Variants in HGS observed in about 807,000 individuals in gnomAD.
HGS encodes human growth factor-regulated tyrosine kinase substrate.
In HGS, 63 loss-of-function variants were observed where a neutral mutation model predicts 109.7. The observed-to-expected ratio is 0.57, with a 90% CI of 0.47 to 0.71. The LOEUF (loss-of-function observed/expected upper bound fraction) is 0.71. HGS is among the 30% of genes least tolerant of loss of function. HGS has a pLI of 0.00. For synonymous variants in HGS, 546 were observed against 437.3 expected, an observed-to-expected ratio of 1.25 and a Z score of -3.10; for missense variants, 995 against 1,068.3, an observed-to-expected ratio of 0.93 and a Z score of 0.96.
intron 4 of HGS, 120 bp from the exon 5 acceptor site, chr17:81,688,584 C>T (rs2037017774): frequency 7.6e-7 from 1 of 1,310,336 alleles, no homozygotes; most frequent in Non-Finnish European, 1.1e-6. Context: ...GGGGGCCCTC[C>T]CTGGCCTCTG....
intron 4 of HGS, among the ~76,000 whole-genome samples, chr17:81,688,273 G>A (rs1428489879): frequency 1.3e-5 from 2 of 151,510 alleles, no homozygotes; most frequent in South Asian, 2.1e-4. Context: ...TTTCTGGAGC[G>A]GCTGCCCCCC....
At position 81,696,921 on chromosome 17, in the gene HGS, C is replaced by T. The variant is rs1182688834; in HGVS notation, c.1805C>T (p.Ser602Phe). ...AGCCCTGCCGGCTCGGTGGAGGGCT[C>T]CCCAATGCACGGCGTGTACATGAGC... ...TFSPAGSVEG[S>F]PMHGVYMSQP... is the part of the protein sequence containing the mutation. The change falls in exon 18 of 22, where the codon TCC becomes TTC. Residue 602 changes from serine to phenylalanine, a missense_variant. Physicochemically the swap from Ser to Phe is radical, Grantham distance 155 (BLOSUM62 -2). This residue lies in a region of HGS where 326 missense variants were observed against 309.7 expected (regional missense o/e 1.05). Transcript: ENST00000329138. 1.2e-6 allele frequency: 2 copies of T among 1,607,944 alleles called. No individual in the cohort carries two copies. The highest frequency in any genetic ancestry group is 8.5e-7 in the Non-Finnish European group (1 of 1,179,816).
At chr17:81,699,083 T>A (rs951670000) in intron 18 of HGS, among the ~76,000 whole-genome samples, 20 of 149,814 alleles carry the variant, frequency 1.3e-4, no homozygotes, top group African/African-American at 4.9e-4. Context: ...AAAAAAAAAA[T>A]CCATGAGTTA....
intron 5 of HGS, among the ~76,000 whole-genome samples, chr17:81,689,296 C>T (rs970759332): frequency 1.1e-4 from 16 of 152,198 alleles, no homozygotes; most frequent in Non-Finnish European, 1.5e-4. Context: ...CGGGCCTGTG[C>T]GCCGAGGGCC....
intron 1 of HGS, 106 bp downstream of exon 1, chr17:81,684,209 T>C: frequency 9.7e-7 from 1 of 1,035,738 alleles, no homozygotes; most frequent in Non-Finnish European, 1.3e-6. Context: ...CCGGCCGCCC[T>C]GCCCGCCTCT....
chr17:81,690,893 A>T, intron 7 of HGS, 151 bp downstream of exon 7: 2 of 624,948 alleles, frequency 3.2e-6, no homozygotes, highest in South Asian at 2.1e-5. Context: ...TGGCGTCAGG[A>T]GGGGGACAGT....
chr17:81,695,735 A>T, intron 14 of HGS, 51 bp from the exon 15 acceptor site: 1 of 1,558,216 alleles, frequency 6.4e-7, no homozygotes, highest in Non-Finnish European at 8.8e-7. Context: ...CCCACCAGGG[A>T]GGCTGGCTGG....
rs1025645119 is a variant in HGS, at chr17:81,693,758, C to T, written c.840+6C>T. 7.1e-6 allele frequency: 11 copies of T among 1,542,610 alleles called. No individual in the cohort carries two copies. The East Asian group carries it at 2.6e-4, about 37-fold the overall frequency. ...CGGAGGAGAAGGAGAGGCTGGTAAG[C>T]CGGGTGGGGCGGGGCGGCCTCAGGA... On this transcript the variant is annotated splice_donor_region_variant and intron_variant, in intron 10 of 21. Coordinates refer to ENST00000329138, the MANE Select transcript of HGS (RefSeq NM_004712.5).
chr17:81,686,273 T>C (rs780878890), intron 2 of HGS, 39 bp from the exon 3 acceptor site: 7 of 1,554,146 alleles, frequency 4.5e-6, no homozygotes, highest in Non-Finnish European at 6.2e-6. Context: ...ACTATTTTTT[T>C]CCCGTTTTTC....
At chr17:81,697,626 C>T (rs569230610) in intron 18 of HGS, 3 of 152,152 alleles carry the variant, frequency 2.0e-5, no homozygotes, top group South Asian at 2.1e-4. Flanking sequence ...TTACAGATGT[C>T]TCTTGGGGGA....
At position 81,693,641 on chromosome 17, in the gene HGS, C is replaced by T. The variant is rs747537244; in HGVS notation, c.742-13C>T. 1.9e-5 allele frequency: 29 copies of T among 1,549,290 alleles called. No homozygotes were observed. The highest frequency in any genetic ancestry group is 3.6e-5 in the South Asian group (3 of 84,198). On this transcript the variant is annotated splice_polypyrimidine_tract_variant and intron_variant, in intron 9 of 21. Transcript: ENST00000329138. ...CCCCGGCGCCCCCCCTCACCCTCCC[C>T]GCTTGTCCTCAGCTGCCCCCCAAGA... is the stretch of plus-strand genomic sequence containing the variant.
rs552341983 is a variant in HGS at position 81,686,297 on chromosome 17, A to G, written c.123-15A>G. ...TTCCCGTTTTTCTCTGCTTTTATCA[A>G]TGTTTCCTTTTCAGAGCAAAATATG... On this transcript the variant is annotated splice_polypyrimidine_tract_variant and intron_variant, in intron 2 of 21. Transcript: ENST00000329138. The G allele has an allele frequency of 5.7e-5, 92 of 1,608,570 alleles. 1 individual carries two copies. The South Asian group carries it at 8.4e-4, about 15-fold the overall frequency.
At chr17:81,690,265 A>T in intron 6 of HGS, 31 bp downstream of exon 6, 1 of 1,611,356 alleles carries the variant, frequency 6.2e-7, no homozygotes, top group East Asian at 2.2e-5. Context: ...GGGGTTCTGG[A>T]GTCGGGCTGC....
At chr17:81,690,889 C>G in intron 7 of HGS, 147 bp downstream of exon 7, 1 of 638,050 alleles carries the variant, frequency 1.6e-6, no homozygotes, top group Non-Finnish European at 2.6e-6. Flanking sequence ...AGTGTGGCGT[C>G]AGGAGGGGGA....
At chr17:81,694,530 G>A (rs979224155) in intron 11 of HGS, among the ~76,000 whole-genome samples, 2 of 152,360 alleles carry the variant, frequency 1.3e-5, no homozygotes, top group Admixed American at 1.3e-4. Flanking sequence ...GGGCTGTCCA[G>A]TGTCCACCTT....
chr17:81,693,871 G>T lies in HGS; in HGVS notation c.842G>T (p.Arg281Ile). 1 of 1,606,878 alleles carries T rather than the reference G, an allele frequency of 6.2e-7. No homozygotes were observed. Among genetic ancestry groups the T allele is most frequent in the Non-Finnish European group, 8.5e-7 (1 of 1,178,148 alleles). ...ACGCCCCTTCTGATTCTGCCTCAGAGACAGAAGTCCACGTACACTTCGTAC... is the reference window on the plus strand; with the variant it reads ...ACGCCCCTTCTGATTCTGCCTCAGATACAGAAGTCCACGTACACTTCGTAC... ...QSEAEEKERL[R>I]QKSTYTSYPK... Residue 281 changes from arginine (R) to isoleucine (I), a missense_variant and splice_region_variant, in exon 11 of 22, where the codon AGA (arginine) becomes ATA (isoleucine). Transcript: ENST00000329138.
chr17:81,701,124 A>AC lies in HGS; in HGVS notation c.2218dup (p.Gln740ProfsTer101), dbSNP rs763029779. 1 of 1,613,538 alleles carries AC rather than the reference A, an allele frequency of 6.2e-7. No homozygotes were observed. Among genetic ancestry groups the AC allele is most frequent in the African/African-American group, 1.3e-5 (1 of 74,936 alleles). On this transcript the variant is annotated frameshift_variant, in exon 21 of 22. Coordinates refer to ENST00000329138, the MANE Select transcript of HGS (RefSeq NM_004712.5). LOFTEE classifies it high-confidence loss of function. ...TACATCGCGGGGCAGCAGCCCATGT[A>AC]CCAGCAGGTGAGCCATTCCCGGGGC...
At chr17:81,684,246 G>C in intron 1 of HGS, 143 bp downstream of exon 1, 1 of 746,902 alleles carries the variant, frequency 1.3e-6, no homozygotes, top group Non-Finnish European at 1.9e-6. Flanking sequence ...TCCCGGGTTC[G>C]GAGCCGCCGA....
intron 2 of HGS, 126 bp downstream of exon 2, chr17:81,685,815 G>A: frequency 1.6e-6 from 1 of 634,368 alleles, no homozygotes; most frequent in East Asian, 2.9e-5. Flanking sequence ...AGAACTGCAT[G>A]GGCTACATGC....
Sources: gnomAD v4.1 joint callset for allele counts (sites outside exome capture counted in the v4.1 genomes callset) on GRCh38, gnomAD v4.1.1 for gene constraint, gnomAD v4.1.1 regional missense constraint, MANE v1.5 for transcripts, NCBI Gene and HGNC (gene_info 2026-07-23, HGNC 2026-07-21) for gene names.